Variants in DOK6 observed in about 807,000 individuals in gnomAD.
DOK6 encodes downstream of tyrosine kinase 6.
A neutral mutation model predicts 44.0 loss-of-function variants in DOK6; 22 were observed. The observed-to-expected ratio is 0.50, with a 90% CI of 0.36 to 0.71. The LOEUF (loss-of-function observed/expected upper bound fraction) is 0.71, where lower values mean the gene tolerates loss of function less well. Among genes scored for constraint, DOK6 ranks in the 30% least tolerant of loss-of-function variants. DOK6 has a pLI of 0.00. For missense variants in DOK6, 340 were observed against 416.4 expected, an observed-to-expected ratio of 0.82 and a Z score of 1.60; for synonymous variants, 166 against 145.5, an observed-to-expected ratio of 1.14 and a Z score of -1.01.
chr18:69,681,498 C>T (rs1986043422), intron 4 of DOK6, among the ~76,000 whole-genome samples: 1 of 152,186 alleles, frequency 6.6e-6, no homozygotes. Flanking sequence ...CAGAATCCCA[C>T]ATGGTATGGG....
chr18:69,710,085 G>A (rs1001477052), intron 5 of DOK6, among the ~76,000 whole-genome samples: 2 of 152,154 alleles, frequency 1.3e-5, no homozygotes, highest in African/African-American at 2.4e-5. Flanking sequence ...AGGCTGAGGT[G>A]AGAGAATCAC....
chr18:69,576,482 G>A (rs149177245), intron 2 of DOK6, among the ~76,000 whole-genome samples: 1 of 152,004 alleles, frequency 6.6e-6, no homozygotes, highest in African/African-American at 2.4e-5. Flanking sequence ...ATAAGCCAAG[G>A]ATACAATTAT....
intron 3 of DOK6, among the ~76,000 whole-genome samples, chr18:69,617,328 AAAAGAAAG>A (rs34477258): frequency 1.3e-5 from 2 of 148,694 alleles, no homozygotes; most frequent in African/African-American, 2.5e-5. Context: ...AGAGAGAAAG[AAAAGAAAG>A]AAAGAAAGAA....
At chr18:69,811,140 C>A (rs1981210539) in intron 7 of DOK6, among the ~76,000 whole-genome samples, 1 of 151,918 alleles carries the variant, frequency 6.6e-6, no homozygotes, top group Admixed American at 6.6e-5. Context: ...AGAAGGAAAT[C>A]CACCATGTAT....
chr18:69,700,222 T>TATATATATATATATATAC (rs1226733814), intron 5 of DOK6, among the ~76,000 whole-genome samples: 23 of 147,212 alleles, frequency 1.6e-4, no homozygotes, highest in Admixed American at 1.2e-3. Flanking sequence ...TATACATATA[T>TATATATATATATATATAC]ATATATATAT....
At chr18:69,457,798 A>G (rs541364644) in intron 1 of DOK6, among the ~76,000 whole-genome samples, 1 of 152,266 alleles carries the variant, frequency 6.6e-6, no homozygotes, top group African/African-American at 2.4e-5. Context: ...TGTTTGTGTC[A>G]TCTCAGATTT....
rs148053197 is a variant in DOK6 at position 69,756,704 on chromosome 18, A to G, written c.739-1052A>G. ...CAAATCCAATGCTGGATGCAGAAGTATGTGACCCATCCAAGCATCGAGGAC... is the reference window on the plus strand; with the variant it reads ...CAAATCCAATGCTGGATGCAGAAGTGTGTGACCCATCCAAGCATCGAGGAC... On this transcript the variant is annotated intron_variant, in intron 6 of 7. Coordinates refer to ENST00000382713, the MANE Select transcript of DOK6 (RefSeq NM_152721.6). 2.6e-3 allele frequency among the ~76,000 whole-genome samples: 395 copies of G among 152,322 alleles called. 2 individuals carry two copies. The highest frequency in any genetic ancestry group is 9.2e-3 in the African/African-American group (383 of 41,566).
chr18:69,823,614 AGTGTGTGTGTTT>A (rs1304561262), intron 7 of DOK6, among the ~76,000 whole-genome samples: 108 of 129,846 alleles, frequency 8.3e-4, no homozygotes, highest in Non-Finnish European at 1.6e-3. Flanking sequence ...GAGAAGGAGA[AGTGTGTGTGTTT>A]GTGTGTGTGT....
At chr18:69,416,380 C>T (rs372825334) in intron 1 of DOK6, among the ~76,000 whole-genome samples, 5 of 152,078 alleles carry the variant, frequency 3.3e-5, no homozygotes, top group East Asian at 1.9e-4. Flanking sequence ...ACAATTTAAC[C>T]GACTGTATAA....
intron 2 of DOK6, among the ~76,000 whole-genome samples, chr18:69,569,113 G>T (rs1273688565): frequency 6.6e-6 from 1 of 152,044 alleles, no homozygotes; most frequent in African/African-American, 2.4e-5. Context: ...TGCCAAACAG[G>T]TTGGGAACTG....
intron 2 of DOK6, among the ~76,000 whole-genome samples, chr18:69,573,094 T>A (rs141491803): frequency 2.2e-4 from 34 of 151,796 alleles, no homozygotes; most frequent in Admixed American, 5.9e-4. Context: ...ATTATAGGGT[T>A]TTGGCCTTGA....
chr18:69,494,877 TG>T (rs1372002624), intron 1 of DOK6, among the ~76,000 whole-genome samples: 2 of 152,328 alleles, frequency 1.3e-5, no homozygotes, highest in East Asian at 1.9e-4. Context: ...CACCTTTGTG[TG>T]AGTTTTGCTT....
chr18:69,672,537 T>C (rs981037739), intron 3 of DOK6, among the ~76,000 whole-genome samples: 2 of 152,096 alleles, frequency 1.3e-5, no homozygotes, highest in Non-Finnish European at 2.9e-5. Flanking sequence ...TTTGTATTTT[T>C]AGTAGATTCG....
At chr18:69,545,740 T>C (rs1293767887) in intron 1 of DOK6, among the ~76,000 whole-genome samples, 1 of 151,390 alleles carries the variant, frequency 6.6e-6, no homozygotes, top group African/African-American at 2.4e-5. Flanking sequence ...CATATTGCTC[T>C]TTAAGCATTT....
intron 1 of DOK6, among the ~76,000 whole-genome samples, chr18:69,548,958 G>A (rs1291213068): frequency 6.6e-6 from 1 of 151,106 alleles, no homozygotes; most frequent in Non-Finnish European, 1.5e-5. Flanking sequence ...AGCTGGGCGA[G>A]GTGGCGGGCG....
chr18:69,602,436 A>G (rs1438707576), intron 3 of DOK6, among the ~76,000 whole-genome samples: 1 of 152,248 alleles, frequency 6.6e-6, no homozygotes, highest in Non-Finnish European at 1.5e-5. Context: ...AAAGAAGGAA[A>G]GCCTGGAAAA....
At chr18:69,524,841 G>A (rs557582255) in intron 1 of DOK6, among the ~76,000 whole-genome samples, 7 of 151,608 alleles carry the variant, frequency 4.6e-5, no homozygotes, top group Non-Finnish European at 1.0e-4. Context: ...AAAGAAATAG[G>A]GAGAGTTTTT....
At chr18:69,482,637 T>A (rs17081004) in intron 1 of DOK6, among the ~76,000 whole-genome samples, 12,843 of 151,990 alleles carry the variant, frequency 0.084, 741 homozygotes, top group Non-Finnish European at 0.12. Flanking sequence ...TAATATTTCA[T>A]GCAGCATAAA....
intron 3 of DOK6, among the ~76,000 whole-genome samples, chr18:69,599,756 A>T (rs1434256261): frequency 6.6e-6 from 1 of 152,174 alleles, no homozygotes; most frequent in Non-Finnish European, 1.5e-5. Flanking sequence ...TTAAGTAAAC[A>T]ATACCTGGCA....
Sources: gnomAD v4.1 joint callset for allele counts (sites outside exome capture counted in the v4.1 genomes callset) on GRCh38, gnomAD v4.1.1 for gene constraint, MANE v1.5 for transcripts, NCBI Gene and HGNC (gene_info 2026-07-23, HGNC 2026-07-21) for gene names.